The following C12orf42 variants were observed in gnomAD, a reference collection of about 807,000 sequenced individuals.
C12orf42 encodes the protein chromosome 12 open reading frame 42.
In C12orf42, 25 loss-of-function variants were observed where a neutral mutation model predicts 21.6. The observed-to-expected ratio is 1.16, with a 90% CI of 0.84 to 1.62. The LOEUF (loss-of-function observed/expected upper bound fraction) is 1.62, where lower values mean the gene tolerates loss of function less well. C12orf42 is among the 40% of genes most tolerant of loss of function. C12orf42 has a pLI of 0.00. For synonymous variants in C12orf42, 174 were observed against 175.0 expected (o/e 0.99, Z 0.05); for missense variants, 483 against 459.3 (o/e 1.05, Z -0.47).
At chr12:103,446,227 G>A (rs10861016) in intron 2 of C12orf42, among the ~76,000 whole-genome samples, 94,411 of 151,618 alleles carry the variant, frequency 0.62, 30,427 homozygotes, top group Admixed American at 0.72. Context: ...CTTAAACAAA[G>A]CAATTATCAG....
the C12orf42 span, among the ~76,000 whole-genome samples, chr12:103,182,834 A>G: frequency 1.5e-4 from 23 of 152,374 alleles, no homozygotes; most frequent in African/African-American, 4.1e-4. Flanking sequence ...TGATATCACA[A>G]CCAGGACATA....
At chr12:103,369,397 G>A (rs895909814) in intron 3 of C12orf42, among the ~76,000 whole-genome samples, 9 of 152,006 alleles carry the variant, frequency 5.9e-5, no homozygotes, top group African/African-American at 1.4e-4. Context: ...TTTTTCTATT[G>A]CTAAGATGAA....
At chr12:103,277,090 T>C (rs541912366) in intron 5 of C12orf42, 30 of 454,544 alleles carry the variant, frequency 6.6e-5, no homozygotes, top group African/African-American at 5.4e-4. Context: ...GATTGCTGGA[T>C]ACAAAATCAA....
chr12:103,416,034 GTT>G (rs3065787), intron 2 of C12orf42, among the ~76,000 whole-genome samples: 1 of 146,892 alleles, frequency 6.8e-6, no homozygotes, highest in Non-Finnish European at 1.5e-5. Context: ...TGTTTAGTGG[GTT>G]TTTTTTTTTA....
chr12:103,091,864 C>T, the C12orf42 span, among the ~76,000 whole-genome samples: 2 of 152,130 alleles, frequency 1.3e-5, no homozygotes, highest in Admixed American at 6.5e-5. Context: ...GTCCTCACCA[C>T]GAGGAAAAGT....
the C12orf42 span, among the ~76,000 whole-genome samples, chr12:103,131,415 C>T: frequency 6.6e-6 from 1 of 152,082 alleles, no homozygotes; most frequent in East Asian, 1.9e-4. Context: ...TTTTTCAGCC[C>T]CAAACTGCAT....
chr12:103,439,770 G>A (rs1332132176), intron 2 of C12orf42, among the ~76,000 whole-genome samples: 1 of 151,866 alleles, frequency 6.6e-6, no homozygotes, highest in Non-Finnish European at 1.5e-5. Flanking sequence ...AGATGCTGGA[G>A]AGGATGTGGA....
the C12orf42 span, among the ~76,000 whole-genome samples, chr12:103,201,785 G>A: frequency 6.6e-6 from 1 of 152,102 alleles, no homozygotes; most frequent in South Asian, 2.1e-4. Context: ...TAGTTCCTGG[G>A]CCAAATGCGT....
At chr12:103,408,891 T>G (rs2048619121) in intron 2 of C12orf42, among the ~76,000 whole-genome samples, 1 of 152,216 alleles carries the variant, frequency 6.6e-6, no homozygotes, top group South Asian at 2.1e-4. Context: ...ACAAGTTATA[T>G]TTGATGTATC....
chr12:103,421,805 AG>A (rs2049939212), intron 2 of C12orf42, among the ~76,000 whole-genome samples: 1 of 152,196 alleles, frequency 6.6e-6, no homozygotes, highest in Non-Finnish European at 1.5e-5. Flanking sequence ...TGTGTGCAAA[AG>A]ATACAAATTA....
chr12:103,146,592 GAAA>G, the C12orf42 span, among the ~76,000 whole-genome samples: 1 of 148,822 alleles, frequency 6.7e-6, no homozygotes, highest in African/African-American at 2.5e-5. Context: ...AAGAAAGAAA[GAAA>G]GAAAGAAAGA....
the C12orf42 span, among the ~76,000 whole-genome samples, chr12:103,519,630 C>A: frequency 1.3e-5 from 2 of 152,122 alleles, 1 homozygote; most frequent in Admixed American, 1.3e-4. Flanking sequence ...ATATCAGGCC[C>A]ATACAGAAAA....
chr12:103,460,724 TTATAAAC>T (rs1952645081), intron 2 of C12orf42, among the ~76,000 whole-genome samples: 1 of 152,194 alleles, frequency 6.6e-6, no homozygotes, highest in Non-Finnish European at 1.5e-5. Context: ...AACAACCTAT[TTATAAAC>T]AGATTTTAGT....
chr12:103,161,181 A>G, the C12orf42 span, among the ~76,000 whole-genome samples: 1 of 152,186 alleles, frequency 6.6e-6, no homozygotes, highest in African/African-American at 2.4e-5. Context: ...TCTCTTGGAG[A>G]TACCCAAGTC....
At chr12:103,324,127 A>C (rs1369522398) in intron 4 of C12orf42, among the ~76,000 whole-genome samples, 8 of 152,200 alleles carry the variant, frequency 5.3e-5, no homozygotes, top group Admixed American at 1.3e-4. Context: ...TGTATGTGTC[A>C]ACTGCACTTT....
chr12:103,175,633 C>T, the C12orf42 span, among the ~76,000 whole-genome samples: 9 of 152,262 alleles, frequency 5.9e-5, no homozygotes, highest in South Asian at 1.9e-3. Flanking sequence ...TTCTATTACA[C>T]TCCACTTTCA....
intron 2 of C12orf42, among the ~76,000 whole-genome samples, chr12:103,402,986 T>C (rs1472334412): frequency 6.6e-6 from 1 of 152,198 alleles, no homozygotes; most frequent in Non-Finnish European, 1.5e-5. Flanking sequence ...ACCCCCATTA[T>C]GTCCTCTCAT....
rs1373493811 is a variant in C12orf42, at chr12:103,304,472, TGAAA to T, written c.631+1498_631+1501del. ...TAGGTGACATTTCAAGTCAAAGACT[TGAAA>T]TGAGAAAGGAAACTAGCTAAGTATT... On this transcript the variant is annotated intron_variant, in intron 5 of 5. Coordinates refer to ENST00000548883, the MANE Select transcript of C12orf42 (RefSeq NM_198521.5). Among the ~76,000 whole-genome samples the T allele has an allele frequency of 2.0e-5, 3 of 152,158 alleles. No homozygotes were observed. The East Asian group carries it at 5.8e-4, about 29-fold the overall frequency.
chr12:103,277,964 T>C (rs2035874192), intron 4 of C12orf42, among the ~76,000 whole-genome samples: 1 of 152,124 alleles, frequency 6.6e-6, no homozygotes, highest in African/African-American at 2.4e-5. Context: ...AATATCTAAA[T>C]AAGTTGAAGA....
Sources: gnomAD v4.1 joint callset for allele counts (sites outside exome capture counted in the v4.1 genomes callset) on GRCh38, gnomAD v4.1.1 for gene constraint, MANE v1.5 for transcripts, NCBI Gene and HGNC (gene_info 2026-07-23, HGNC 2026-07-21) for gene names.